PIK3R6: variants seen among roughly 807,000 people sequenced by gnomAD.
The protein encoded by PIK3R6 is phosphoinositide 3-kinase regulatory subunit 6.
PIK3R6 carries 91 observed loss-of-function variants against 84.9 expected under a neutral mutation model. The observed-to-expected ratio is 1.07, with a 90% confidence interval of 0.90 to 1.28. The LOEUF (loss-of-function observed/expected upper bound fraction) is 1.28, where lower values mean the gene tolerates loss of function less well. Ranked by LOEUF, PIK3R6 falls within the 50% of genes most tolerant of loss-of-function variation. PIK3R6 has a pLI of 0.00. For missense variants in PIK3R6, 996 were observed against 985.1 expected, an observed-to-expected ratio of 1.01 and a Z score of -0.15; for synonymous variants, 416 against 411.4, an observed-to-expected ratio of 1.01 and a Z score of -0.13.
chr17:8,803,207 T>C lies in PIK3R6; in HGVS notation c.*66A>G. The C allele has an allele frequency of 6.3e-7, 1 of 1,592,600 alleles. No homozygotes were observed. The highest frequency in any genetic ancestry group is 8.6e-7 in the Non-Finnish European group (1 of 1,165,714). On this transcript the variant is annotated 3_prime_UTR_variant, in exon 20 of 20. Coordinates refer to ENST00000619866, the MANE Select transcript of PIK3R6 (RefSeq NM_001010855.4). This position sits in a 1 kb window ranked among gnomAD's most constrained non-coding sequence, Gnocchi z 5.0. ...TGGAGCCGGGCCTTGCTCTGGCTGT[T>C]GGTGTGAGTGTTTGGAGTTGGTGGG...
rs186226811 is a variant in PIK3R6, at chr17:8,819,272, C to A, written c.1880-74G>T. On this transcript the variant is annotated intron_variant, in intron 17 of 19. Coordinates refer to ENST00000619866, the MANE Select transcript of PIK3R6 (RefSeq NM_001010855.4). ...AGTTTGATATTCTAGGTCTCAAGAT[C>A]TCCAGGAACCCATCTTGACACCCCC... 203 of 1,118,188 alleles carry A rather than the reference C, an allele frequency of 1.8e-4. 1 individual carries two copies. The African/African-American group carries it at 2.1e-3, about 11-fold the overall frequency. The allele number at this position is 1,118,188 out of a possible 1,614,324, so 69.3% of individuals were successfully genotyped here. A position where few individuals can be genotyped will look rare whatever the true frequency, so the allele number is the denominator to read the frequency against.
rs970919540 is a variant in PIK3R6 at position 8,821,859 on chromosome 17, G to A, written c.1866C>T (p.Ala622=). 2.0e-5 allele frequency: 32 copies of A among 1,595,506 alleles called. No individual in the cohort carries two copies. The highest frequency in any genetic ancestry group is 2.6e-5 in the Non-Finnish European group (30 of 1,170,944). Residue 622 remains alanine (A), a synonymous_variant, in exon 17 of 20, where the codon GCC becomes GCT. Transcript: ENST00000619866. ...ATGLILKAIP[A]SDTEVSGSSH... ...CCCATTCCTCACCTTCTGTGTCGCT[G>A]GCTGGAATGGCCTTCAGGATCAGCC...
At chr17:8,837,745 G>A in intron 5 of PIK3R6, 58 bp downstream of exon 5, 1 of 1,455,438 alleles carries the variant, frequency 6.9e-7, no homozygotes, top group South Asian at 1.2e-5. Flanking sequence ...AGGGGAGAGT[G>A]TCCAGCCCAG....
chr17:8,838,364 T>C, intron 4 of PIK3R6, 200 bp downstream of exon 4: 1 of 538,100 alleles, frequency 1.9e-6, no homozygotes, highest in South Asian at 2.3e-5. Context: ...TTTTGAAAGA[T>C]GTTTATTCAA....
intron 3 of PIK3R6, among the ~76,000 whole-genome samples, chr17:8,838,961 G>A (rs1046898885): frequency 6.6e-6 from 1 of 152,246 alleles, no homozygotes; most frequent in Non-Finnish European, 1.5e-5. Context: ...GTGCTTGCAG[G>A]TGTGTGCTCC....
In PIK3R6 at chr17:8,829,601, T is replaced by TACAC. The variant is rs756893437; in HGVS notation, c.889+101_889+104dup. The TACAC allele has an allele frequency of 4.3e-4, 482 of 1,126,234 alleles. 4 individuals carry two copies. The African/African-American group carries it at 8.4e-3, about 20-fold the overall frequency. The allele number at this position is 1,126,234 out of a possible 1,614,324, so 69.8% of individuals were successfully genotyped here. On this transcript the variant is annotated intron_variant, in intron 10 of 19. Coordinates refer to ENST00000619866, the MANE Select transcript of PIK3R6 (RefSeq NM_001010855.4). ...AGACACACTGACACACACTCATGCA[T>TACAC]ACACACACTGACACACGCATGCACA...
rs1299236944 is a variant in PIK3R6 at position 8,803,757 on chromosome 17, A to G, written c.2108+284T>C. 1 of 563,472 alleles carries G rather than the reference A, an allele frequency of 1.8e-6. No individual in the cohort carries two copies. The highest frequency in any genetic ancestry group is 3.0e-5 in the East Asian group (1 of 33,578). The allele number at this position is 563,472 out of a possible 1,614,324, so 34.9% of individuals were successfully genotyped here. A position where few individuals can be genotyped will look rare whatever the true frequency, so the allele number is the denominator to read the frequency against. On this transcript the variant is annotated intron_variant, in intron 19 of 19. Transcript: ENST00000619866. This position sits in a 1 kb window ranked among gnomAD's most constrained non-coding sequence, Gnocchi z 5.0. ...GTGTGGGAGGGGCCCGTGCCTGCAG[A>G]GGGGACTGGATCAGGAGGCTGCAGG...
chr17:8,825,657 A>G (rs1254455868), intron 13 of PIK3R6, among the ~76,000 whole-genome samples: 4 of 152,264 alleles, frequency 2.6e-5, no homozygotes, highest in Non-Finnish European at 5.9e-5. Context: ...TTTGGAAAAA[A>G]TAAAATGACA....
At chr17:8,837,906 C>T (rs768370072) in intron 4 of PIK3R6, 35 bp from the exon 5 acceptor site, 7 of 1,585,112 alleles carry the variant, frequency 4.4e-6, no homozygotes, top group South Asian at 2.2e-5. Flanking sequence ...AGGTATTGGG[C>T]TGGGGGAATC....
Position 8,828,178 on chromosome 17 carries a change from G to C in PIK3R6, c.1326C>G (p.Thr442=). 1 of 1,613,954 alleles carries C rather than the reference G, an allele frequency of 6.2e-7. No individual in the cohort carries two copies. The highest frequency in any genetic ancestry group is 8.5e-7 in the Non-Finnish European group (1 of 1,179,872). Residue 442 remains threonine, a synonymous_variant, in exon 12 of 20, where the codon ACC becomes ACG. Coordinates refer to ENST00000619866, the MANE Select transcript of PIK3R6 (RefSeq NM_001010855.4). ...QAYHRLRKRE[T]QKFCLTPRLS... ...GTCTGGGAGTGAGGCAGAACTTCTG[G>C]GTCTCCCGTTTCCTAGCAATGGGCA...
In PIK3R6 at chr17:8,849,828, G is replaced by T; in HGVS notation, c.-34C>A. On this transcript the variant is annotated 5_prime_UTR_variant, in exon 2 of 20. Coordinates refer to ENST00000619866, the MANE Select transcript of PIK3R6 (RefSeq NM_001010855.4). ...TTGGGTGTAGGAGGAGGAGGATGTG[G>T]TTGTCTCGGGCAGCAGAATAGAGAA... is the stretch of plus-strand genomic sequence containing the variant. 1.2e-6 allele frequency: 2 copies of T among 1,609,552 alleles called. No individual in the cohort carries two copies. The highest frequency in any genetic ancestry group is 1.7e-6 in the Non-Finnish European group (2 of 1,177,774).
chr17:8,852,524 G>A (rs989662328), intron 1 of PIK3R6, among the ~76,000 whole-genome samples: 1 of 152,132 alleles, frequency 6.6e-6, no homozygotes, highest in Non-Finnish European at 1.5e-5. Flanking sequence ...CGGATCATGA[G>A]GTCAAGAGTT....
intron 1 of PIK3R6, among the ~76,000 whole-genome samples, chr17:8,865,607 T>C (rs1408063887): frequency 6.8e-6 from 1 of 147,056 alleles, no homozygotes; most frequent in Non-Finnish European, 1.5e-5. Flanking sequence ...GTCATAGCTG[T>C]GTTTTTTTTT....
chr17:8,858,591 AGAGGCGT>A (rs1300323424), intron 1 of PIK3R6, among the ~76,000 whole-genome samples: 1 of 152,092 alleles, frequency 6.6e-6, no homozygotes, highest in Non-Finnish European at 1.5e-5. Flanking sequence ...TGCTGGGATT[AGAGGCGT>A]GAGCCAGGCG....
In PIK3R6 at chr17:8,862,008, C is replaced by T. The variant is rs914916000; in HGVS notation, c.-92+5521G>A. On this transcript the variant is annotated intron_variant, in intron 1 of 19. Transcript: ENST00000619866. This position sits in a 1 kb window ranked among gnomAD's most constrained non-coding sequence, Gnocchi z 4.3. ...AGCTGAAACTGCAAAGTTATGGCCA[C>T]AGTGTATGATAAGTGCTTCATTAAG... Among the ~76,000 whole-genome samples, 1 of 152,156 alleles carries T rather than the reference C, an allele frequency of 6.6e-6. No individual in the cohort carries two copies. The highest frequency in any genetic ancestry group is 1.5e-5 in the Non-Finnish European group (1 of 68,040).
chr17:8,828,525 C>A, intron 11 of PIK3R6, 42 bp downstream of exon 11: 1 of 1,595,522 alleles, frequency 6.3e-7, no homozygotes, highest in South Asian at 1.1e-5. Flanking sequence ...CACCTGTGCC[C>A]CTGACCAGCG....
At chr17:8,827,763 G>GGAGAGAGAGAGAGAGA (rs199969342) in intron 12 of PIK3R6, among the ~76,000 whole-genome samples, 3 of 34,834 alleles carry the variant, frequency 8.6e-5, no homozygotes, top group Non-Finnish European at 1.7e-4. Flanking sequence ...GAGAGAGAGA[G>GGAGAGAGAGAGAGAGA]GAGAGAGAGA....
At chr17:8,847,590 C>G (rs1378352352) in intron 2 of PIK3R6, among the ~76,000 whole-genome samples, 1 of 152,048 alleles carries the variant, frequency 6.6e-6, no homozygotes, top group African/African-American at 2.4e-5. Flanking sequence ...CACCTGAGGT[C>G]AGGAGTTCGA....
intron 1 of PIK3R6, among the ~76,000 whole-genome samples, chr17:8,858,137 G>A (rs1403900033): frequency 6.6e-6 from 1 of 152,166 alleles, no homozygotes; most frequent in Non-Finnish European, 1.5e-5. Context: ...TGGGGGAAGA[G>A]CCCCCAGGGG....
Sources: gnomAD v4.1 joint callset for allele counts (sites outside exome capture counted in the v4.1 genomes callset) on GRCh38, gnomAD v4.1.1 for gene constraint, Gnocchi (gnomAD v3.1) non-coding constraint, MANE v1.5 for transcripts, NCBI Gene and HGNC (gene_info 2026-07-23, HGNC 2026-07-21) for gene names.